The following GABRA3 variants were observed in gnomAD, a reference collection of about 807,000 sequenced individuals.
GABRA3 encodes the protein gamma-aminobutyric acid type A receptor subunit alpha3.
GABRA3 carries 10 observed loss-of-function variants against 30.1 expected under a neutral mutation model. That is an observed-to-expected ratio of 0.33 (90% CI 0.20 to 0.56). The LOEUF (loss-of-function observed/expected upper bound fraction) is 0.56. GABRA3 is among the 20% of genes least tolerant of loss of function. The probability of loss-of-function intolerance (pLI) is 0.89; values close to 1 mark genes in which losing one functional copy is unlikely to be tolerated. For missense variants in GABRA3, 233 were observed against 392.0 expected, an observed-to-expected ratio of 0.59 and a Z score of 3.42; for synonymous variants, 151 against 146.8, an observed-to-expected ratio of 1.03 and a Z score of -0.21.
At chrX:152,397,310 T>C (rs994620679) in intron 1 of GABRA3, among the ~76,000 whole-genome samples, 1 of 112,447 alleles carries the variant, frequency 8.9e-6, no homozygotes, top group Non-Finnish European at 1.9e-5. Flanking sequence ...GCCAAGATAA[T>C]AGGTGTAAAC....
At chrX:152,444,774 T>A (rs1325868581) in intron 1 of GABRA3, among the ~76,000 whole-genome samples, 1 of 97,379 alleles carries the variant, frequency 1.0e-5, no homozygotes, top group African/African-American at 3.6e-5. Context: ...TTGTTTGTTT[T>A]TTTTTGGCCG....
At chrX:152,240,764 C>G (rs1177437249) in intron 5 of GABRA3, among the ~76,000 whole-genome samples, 3 of 100,828 alleles carry the variant, frequency 3.0e-5, no homozygotes, top group Non-Finnish European at 5.8e-5. Context: ...ATTACTGATA[C>G]CCTTTCTTCC....
chrX:152,343,891 C>T (rs1401849222), intron 3 of GABRA3, among the ~76,000 whole-genome samples: 2 of 111,914 alleles, frequency 1.8e-5, no homozygotes, highest in African/African-American at 3.2e-5. Flanking sequence ...TGTTGGACTG[C>T]AATTAGTAGT....
At chrX:152,278,622 C>T (rs984520985) in intron 4 of GABRA3, among the ~76,000 whole-genome samples, 6 of 111,112 alleles carry the variant, frequency 5.4e-5, no homozygotes, top group Admixed American at 1.9e-4. Context: ...TGGGTATATA[C>T]CCAGTAATGG....
chrX:152,428,832 G>C (rs1261561351), intron 1 of GABRA3, among the ~76,000 whole-genome samples: 3 of 111,894 alleles, frequency 2.7e-5, no homozygotes, highest in Non-Finnish European at 5.6e-5. Flanking sequence ...CTACTCAAGA[G>C]CAAGAGAGGT....
intron 5 of GABRA3, among the ~76,000 whole-genome samples, chrX:152,238,083 G>T (rs1452963992): frequency 2.8e-5 from 3 of 107,727 alleles, no homozygotes; most frequent in African/African-American, 3.5e-5. Flanking sequence ...TTTTCAAAGG[G>T]AATGCTTCCA....
At chrX:152,415,313 A>C (rs1044330647) in intron 1 of GABRA3, among the ~76,000 whole-genome samples, 6 of 111,321 alleles carry the variant, frequency 5.4e-5, no homozygotes, top group Admixed American at 1.9e-4. Flanking sequence ...TGTAAACCTA[A>C]AACTACTCTA....
intron 6 of GABRA3, among the ~76,000 whole-genome samples, chrX:152,222,279 T>C (rs1937856724): frequency 9.3e-6 from 1 of 107,372 alleles, no homozygotes; most frequent in Non-Finnish European, 1.9e-5. Flanking sequence ...TATCCTTCAG[T>C]TCTGCTTTTT....
intron 1 of GABRA3, among the ~76,000 whole-genome samples, chrX:152,441,126 A>G (rs1359783114): frequency 9.0e-6 from 1 of 111,238 alleles, no homozygotes; most frequent in Non-Finnish European, 1.9e-5. Flanking sequence ...AGTAAGGGAA[A>G]TTTTCTCTAT....
intron 1 of GABRA3, among the ~76,000 whole-genome samples, chrX:152,420,670 A>C (rs1418639532): frequency 9.0e-6 from 1 of 111,513 alleles, no homozygotes; most frequent in Non-Finnish European, 1.9e-5. Flanking sequence ...TGGCAATCCG[A>C]TTCTAAAATT....
chrX:152,448,576 A>G (rs1907405117), intron 1 of GABRA3, among the ~76,000 whole-genome samples: 1 of 110,584 alleles, frequency 9.0e-6, no homozygotes, highest in African/African-American at 3.3e-5. Context: ...GCAACCACAT[A>G]CTCACCCCTT....
intron 1 of GABRA3, among the ~76,000 whole-genome samples, chrX:152,448,178 C>T (rs1292294055): frequency 8.9e-6 from 1 of 112,006 alleles, no homozygotes; most frequent in African/African-American, 3.2e-5. Context: ...TAGAGCTTTG[C>T]TACTTGAAGT....
At chrX:152,366,272 C>G (rs1002393523) in intron 1 of GABRA3, among the ~76,000 whole-genome samples, 1 of 111,889 alleles carries the variant, frequency 8.9e-6, no homozygotes, top group Admixed American at 9.5e-5. Flanking sequence ...TTGACAACTA[C>G]TCTACAGGAA....
At chrX:152,242,010 C>T (rs1256557942) in intron 5 of GABRA3, among the ~76,000 whole-genome samples, 4 of 111,789 alleles carry the variant, frequency 3.6e-5, no homozygotes, top group South Asian at 3.8e-4. Flanking sequence ...TGTTCCTATT[C>T]GGCCATCTTG....
intron 8 of GABRA3, 76 bp downstream of exon 8, chrX:152,197,557 T>C: frequency 4.1e-6 from 4 of 974,730 alleles, no homozygotes; most frequent in Non-Finnish European, 5.6e-6. Flanking sequence ...CCAGGAGCCA[T>C]TCTTCCACCT....
At chrX:152,438,699 G>T (rs1031072883) in intron 1 of GABRA3, among the ~76,000 whole-genome samples, 1 of 111,972 alleles carries the variant, frequency 8.9e-6, no homozygotes, top group Non-Finnish European at 1.9e-5. Context: ...AATACATATT[G>T]TCAAGTGAAA....
chrX:152,260,556 T>C (rs1173034956), intron 4 of GABRA3, among the ~76,000 whole-genome samples: 1 of 111,547 alleles, frequency 9.0e-6, no homozygotes, highest in Non-Finnish European at 1.9e-5. Flanking sequence ...ACTTAATTTG[T>C]TTGAAAGTTA....
At position 152,359,292 on chromosome X, in the gene GABRA3, G is replaced by A. The variant is rs147232623; in HGVS notation, c.140+5139C>T. On this transcript the variant is annotated intron_variant, in intron 2 of 9. Coordinates refer to ENST00000370314, the MANE Select transcript of GABRA3 (RefSeq NM_000808.4). The stretch of plus-strand genomic sequence containing the variant: ...CTTCCTGGTTCAGTCTTAGGAAGTC[G>A]CAAGTTTCAAGGAATTTATCCATTT... Among the ~76,000 whole-genome samples, 28 of 110,927 alleles carry A rather than the reference G, an allele frequency of 2.5e-4. No homozygotes were observed. The East Asian group carries it at 6.2e-3, about 25-fold the overall frequency.
intron 2 of GABRA3, among the ~76,000 whole-genome samples, chrX:152,355,526 A>G (rs1455267872): frequency 9.0e-6 from 1 of 111,038 alleles, no homozygotes; most frequent in Non-Finnish European, 1.9e-5. Context: ...GATTTACATG[A>G]TATGTGTGCT....
Sources: gnomAD v4.1 joint callset for allele counts (sites outside exome capture counted in the v4.1 genomes callset) on GRCh38, gnomAD v4.1.1 for gene constraint, MANE v1.5 for transcripts, NCBI Gene and HGNC (gene_info 2026-07-23, HGNC 2026-07-21) for gene names.